The following TBX15 variants were observed in gnomAD, a reference collection of about 807,000 sequenced individuals.
TBX15 encodes T-box transcription factor TBX15.
Under a neutral mutation model 53.9 loss-of-function variants are expected in TBX15, and 18 were observed. The observed-to-expected ratio is 0.33, with a 90% CI of 0.23 to 0.49. The LOEUF is 0.49. Among genes scored for constraint, TBX15 ranks in the 20% least tolerant of loss-of-function variants. The pLI is 0.98. For synonymous variants in TBX15, 295 were observed against 278.0 expected, an observed-to-expected ratio of 1.06 and a Z score of -0.61; for missense variants, 692 against 749.5, an observed-to-expected ratio of 0.92 and a Z score of 0.90.
chr1:118,976,411 G>A (rs1657437785), intron 1 of TBX15, among the ~76,000 whole-genome samples: 2 of 152,166 alleles, frequency 1.3e-5, no homozygotes, highest in Admixed American at 6.5e-5. Flanking sequence ...GGGGTACATT[G>A]GAATATGGCT....
At chr1:118,939,677 C>A (rs1463652832) in intron 1 of TBX15, among the ~76,000 whole-genome samples, 1 of 149,114 alleles carries the variant, frequency 6.7e-6, no homozygotes, top group Non-Finnish European at 1.5e-5. Flanking sequence ...GCACAGGTAT[C>A]CCCTAGATCT....
rs749326245 is a variant in TBX15 at position 118,923,610 on chromosome 1, T to A, written c.694-7A>T. 5.6e-6 allele frequency: 9 copies of A among 1,613,778 alleles called. No homozygotes were observed. The Middle Eastern group carries it at 5.0e-4, about 89-fold the overall frequency. ...GCATAGAGTGCAGAATGATCTGAAA[T>A]AAAAAGGGGAATTGTACCAGGCTTG... On this transcript the variant is annotated splice_region_variant and splice_polypyrimidine_tract_variant and intron_variant, in intron 4 of 7. Coordinates refer to ENST00000369429, the MANE Select transcript of TBX15 (RefSeq NM_001330677.2).
intron 1 of TBX15, among the ~76,000 whole-genome samples, chr1:118,933,322 A>ATAT: frequency 6.6e-6 from 1 of 152,272 alleles, no homozygotes; most frequent in South Asian, 2.1e-4. Context: ...TCACTTGTGA[A>ATAT]GATATTCAGG....
chr1:118,939,718 A>C (rs373173007), intron 1 of TBX15, among the ~76,000 whole-genome samples: 5 of 151,814 alleles, frequency 3.3e-5, no homozygotes, highest in Non-Finnish European at 7.4e-5. Context: ...TTAAAGTTGA[A>C]ATTTCAAGTA....
chr1:118,907,109 G>C (rs1654860997), intron 6 of TBX15, among the ~76,000 whole-genome samples: 1 of 152,160 alleles, frequency 6.6e-6, no homozygotes, highest in South Asian at 2.1e-4. Context: ...CTACAGAAGG[G>C]CCATTCCACT....
intron 1 of TBX15, among the ~76,000 whole-genome samples, chr1:118,955,058 T>C (rs918938168): frequency 6.6e-6 from 1 of 152,186 alleles, no homozygotes; most frequent in South Asian, 2.1e-4. Flanking sequence ...ATGGGTGGCA[T>C]AGGAGTCACC....
intron 6 of TBX15, among the ~76,000 whole-genome samples, chr1:118,900,545 G>C (rs1278425841): frequency 6.6e-6 from 1 of 152,080 alleles, no homozygotes; most frequent in Non-Finnish European, 1.5e-5. Flanking sequence ...TGGAATCTTG[G>C]AGGCTTTAAA....
At chr1:118,907,598 G>T (rs1463295620) in intron 6 of TBX15, among the ~76,000 whole-genome samples, 1 of 152,172 alleles carries the variant, frequency 6.6e-6, no homozygotes, top group Non-Finnish European at 1.5e-5. Context: ...CTTGGCAGTT[G>T]TCATGCTCCC....
At chr1:118,960,245 C>T (rs1443204779) in intron 1 of TBX15, among the ~76,000 whole-genome samples, 2 of 152,156 alleles carry the variant, frequency 1.3e-5, no homozygotes, top group Non-Finnish European at 2.9e-5. Context: ...CAACTAAGTA[C>T]ATCCGCTAGG....
chr1:118,890,188 T>C (rs2101452567), intron 7 of TBX15, among the ~76,000 whole-genome samples: 1 of 152,306 alleles, frequency 6.6e-6, no homozygotes, highest in Admixed American at 6.5e-5. Flanking sequence ...CTGTGCCATA[T>C]TCCCAAAGGC....
At chr1:118,890,731 G>T in intron 7 of TBX15, 1 of 396,006 alleles carries the variant, frequency 2.5e-6, no homozygotes, top group Non-Finnish European at 4.5e-6. Flanking sequence ...TTTCCAGATT[G>T]TAATATAAGG....
intron 1 of TBX15, among the ~76,000 whole-genome samples, chr1:118,984,442 C>T (rs567908143): frequency 2.0e-5 from 3 of 152,246 alleles, no homozygotes; most frequent in African/African-American, 7.2e-5. Flanking sequence ...CTGAGGACTC[C>T]GGGTGGAGCA....
chr1:118,890,434 C>G (rs992268311), intron 7 of TBX15, among the ~76,000 whole-genome samples: 2 of 152,134 alleles, frequency 1.3e-5, no homozygotes, highest in Non-Finnish European at 2.9e-5. Flanking sequence ...AGTTCTGTAG[C>G]ATCTGTAGGA....
At chr1:118,908,445 G>C (rs921566173) in intron 6 of TBX15, among the ~76,000 whole-genome samples, 35 of 151,124 alleles carry the variant, frequency 2.3e-4, no homozygotes, top group African/African-American at 8.5e-4. Context: ...AAGTGTTACT[G>C]TCTCCCCAAG....
chr1:118,897,790 C>T (rs17022708), intron 7 of TBX15, among the ~76,000 whole-genome samples: 2,071 of 152,188 alleles, frequency 0.014, 50 homozygotes, highest in African/African-American at 0.047. Context: ...GACTCTGCTT[C>T]TAATCACAGC....
chr1:118,893,760 C>T (rs1298204595), intron 7 of TBX15, among the ~76,000 whole-genome samples: 1 of 151,980 alleles, frequency 6.6e-6, no homozygotes, highest in Non-Finnish European at 1.5e-5. Context: ...AAATTTTATC[C>T]TAAAGTTGTC....
intron 3 of TBX15, among the ~76,000 whole-genome samples, chr1:118,925,609 A>G (rs1342910763): frequency 6.6e-6 from 1 of 152,190 alleles, no homozygotes; most frequent in African/African-American, 2.4e-5. Flanking sequence ...CCTGCTTCTC[A>G]GTTCTAAAGG....
intron 1 of TBX15, among the ~76,000 whole-genome samples, chr1:118,962,125 T>G (rs1656897127): frequency 6.6e-6 from 1 of 152,344 alleles, no homozygotes; most frequent in Non-Finnish European, 1.5e-5. Flanking sequence ...CTTTTTTCTA[T>G]GAGGACAGTG....
At chr1:118,915,483 T>C (rs551599087) in intron 5 of TBX15, among the ~76,000 whole-genome samples, 2 of 152,324 alleles carry the variant, frequency 1.3e-5, no homozygotes, top group Admixed American at 1.3e-4. Flanking sequence ...AAATATTCCT[T>C]GCCTTTAAAA....
Sources: allele counts gnomAD v4.1 joint callset (sites outside exome capture counted in the v4.1 genomes callset), GRCh38; gene constraint gnomAD v4.1.1; transcripts MANE v1.5; gene names NCBI Gene and HGNC (gene_info 2026-07-23, HGNC 2026-07-21).